SEMA6A: variants seen among roughly 807,000 people sequenced by gnomAD.
SEMA6A encodes semaphorin-6A.
A neutral mutation model predicts 96.8 loss-of-function variants in SEMA6A; 25 were observed. The observed-to-expected ratio is 0.26, with a 90% CI of 0.19 to 0.36. The LOEUF (loss-of-function observed/expected upper bound fraction) is 0.36, where lower values mean the gene tolerates loss of function less well. Among genes scored for constraint, SEMA6A ranks in the 10% least tolerant of loss-of-function variants. The probability of loss-of-function intolerance (pLI) is 1.00; values close to 1 mark genes in which losing one functional copy is unlikely to be tolerated. For synonymous variants in SEMA6A, 612 were observed against 518.0 expected, an observed-to-expected ratio of 1.18 and a Z score of -2.46; for missense variants, 1,363 against 1,323.1, an observed-to-expected ratio of 1.03 and a Z score of -0.47.
rs1760078004 is a variant in SEMA6A, at chr5:116,543,844, G to A, written c.-39+30341C>T. Among the ~76,000 whole-genome samples the A allele has an allele frequency of 2.6e-5, 4 of 152,184 alleles. No homozygotes were observed. The South Asian group carries it at 8.3e-4, about 31-fold the overall frequency. On this transcript the variant is annotated intron_variant, in intron 1 of 18. Transcript: ENST00000343348. ...ACCAAGTCTCCAATGTGGTTAAATTGATGCCAAAACTAGCACGTTTTACTT... is the reference window on the plus strand; with the variant it reads ...ACCAAGTCTCCAATGTGGTTAAATTAATGCCAAAACTAGCACGTTTTACTT...
intron 1 of SEMA6A, among the ~76,000 whole-genome samples, chr5:116,506,515 C>T (rs768355880): frequency 2.0e-5 from 3 of 152,160 alleles, no homozygotes; most frequent in Non-Finnish European, 4.4e-5. Context: ...GCCAGTTCTT[C>T]CTATCCTAGA....
chr5:116,513,575 C>A (rs1449280297), intron 1 of SEMA6A, among the ~76,000 whole-genome samples: 6 of 151,744 alleles, frequency 4.0e-5, no homozygotes, highest in Non-Finnish European at 8.8e-5. Flanking sequence ...TCATTACCTT[C>A]ATTCCCAAAC....
chr5:116,531,420 C>T (rs189316456), intron 1 of SEMA6A, among the ~76,000 whole-genome samples: 245 of 152,144 alleles, frequency 1.6e-3, no homozygotes, highest in African/African-American at 5.4e-3. Flanking sequence ...ATGTTTCACC[C>T]GGGCCCAATC....
chr5:116,515,852 TA>T (rs1758644464), intron 1 of SEMA6A, among the ~76,000 whole-genome samples: 1 of 152,162 alleles, frequency 6.6e-6, no homozygotes, highest in South Asian at 2.1e-4. Flanking sequence ...ACAGAATTAA[TA>T]ACAACCTGCA....
At chr5:116,449,194 C>CT (rs1754472205) in intron 18 of SEMA6A, 2 of 614,584 alleles carry the variant, frequency 3.3e-6, no homozygotes, top group African/African-American at 3.7e-5. Flanking sequence ...AATAAAATCT[C>CT]TAATACCTCA....
intron 1 of SEMA6A, among the ~76,000 whole-genome samples, chr5:116,573,949 G>C (rs1423916900): frequency 6.6e-6 from 1 of 151,284 alleles, no homozygotes; most frequent in Non-Finnish European, 1.5e-5. Flanking sequence ...AACGCGGGTG[G>C]GAAAGCTCTC....
intron 1 of SEMA6A, among the ~76,000 whole-genome samples, chr5:116,567,692 T>A (rs986878510): frequency 6.6e-6 from 1 of 152,192 alleles, no homozygotes; most frequent in African/African-American, 2.4e-5. Flanking sequence ...AAGCATGACC[T>A]CCGCAATGCC....
intron 1 of SEMA6A, among the ~76,000 whole-genome samples, chr5:116,544,340 G>A (rs1276203846): frequency 2.6e-5 from 4 of 152,138 alleles, no homozygotes; most frequent in African/African-American, 4.8e-5. Context: ...CTAGACTAGA[G>A]TGTAGTATAG....
intron 18 of SEMA6A, among the ~76,000 whole-genome samples, chr5:116,448,879 G>A (rs1348807840): frequency 6.6e-6 from 1 of 152,114 alleles, no homozygotes; most frequent in Non-Finnish European, 1.5e-5. Flanking sequence ...GGGCCCTGTA[G>A]TGGGTTTGAG....
intron 3 of SEMA6A, among the ~76,000 whole-genome samples, chr5:116,501,199 A>G (rs1039806878): frequency 1.3e-5 from 2 of 152,192 alleles, no homozygotes; most frequent in African/African-American, 4.8e-5. Flanking sequence ...GGACTTCATT[A>G]AGGTAATCAA....
chr5:116,552,807 A>C lies in SEMA6A; in HGVS notation c.-39+21378T>G, dbSNP rs193098502. On this transcript the variant is annotated intron_variant, in intron 1 of 18. Coordinates refer to ENST00000343348, the MANE Select transcript of SEMA6A (RefSeq NM_020796.5). ...ATAAGAGGTGCCAAAATGTTGCCAGATGGGACAAAAATGAATACGTTGTCA... is the reference window on the plus strand; with the variant it reads ...ATAAGAGGTGCCAAAATGTTGCCAGCTGGGACAAAAATGAATACGTTGTCA... Among the ~76,000 whole-genome samples the C allele has an allele frequency of 1.4e-4, 21 of 152,354 alleles. No homozygotes were observed. The East Asian group carries it at 4.0e-3, about 29-fold the overall frequency.
intron 18 of SEMA6A, among the ~76,000 whole-genome samples, chr5:116,453,090 A>G (rs1397241426): frequency 6.6e-6 from 1 of 152,242 alleles, no homozygotes; most frequent in African/African-American, 2.4e-5. Context: ...AGAGAGAGCA[A>G]CAAGAACTGA....
intron 9 of SEMA6A, 77 bp from the exon 10 acceptor site, chr5:116,487,043 G>A: frequency 1.6e-5 from 15 of 963,124 alleles, no homozygotes; most frequent in South Asian, 6.1e-5. Context: ...TGCATTCCTT[G>A]AAAACAGAAA....
intron 1 of SEMA6A, among the ~76,000 whole-genome samples, chr5:116,558,176 A>T (rs1439654960): frequency 2.6e-5 from 4 of 152,204 alleles, no homozygotes; most frequent in African/African-American, 9.7e-5. Flanking sequence ...TTTGTTACTC[A>T]GCTTCTTTTT....
intron 1 of SEMA6A, among the ~76,000 whole-genome samples, chr5:116,506,774 T>G (rs975406409): frequency 2.6e-5 from 4 of 152,218 alleles, no homozygotes; most frequent in African/African-American, 9.6e-5. Context: ...CTCAGAGAAT[T>G]TGCAGCATAT....
At chr5:116,524,775 C>CACAGACACACACACACACAG (rs1759133607) in intron 1 of SEMA6A, among the ~76,000 whole-genome samples, 1 of 145,588 alleles carries the variant, frequency 6.9e-6, no homozygotes, top group Non-Finnish European at 1.5e-5. Flanking sequence ...TATGTATACA[C>CACAGACACACACACACACAG]ACACACACAC....
chr5:116,535,323 T>C (rs1759660690), intron 1 of SEMA6A, among the ~76,000 whole-genome samples: 1 of 152,220 alleles, frequency 6.6e-6, no homozygotes, highest in African/African-American at 2.4e-5. Context: ...CTGCAAGTCC[T>C]GCACAACACA....
At chr5:116,509,585 A>AG (rs1758309842) in intron 1 of SEMA6A, among the ~76,000 whole-genome samples, 3 of 142,446 alleles carry the variant, frequency 2.1e-5, no homozygotes, top group Non-Finnish European at 4.5e-5. Context: ...TGCCCCAGTG[A>AG]AGAAGGGTGT....
At chr5:116,447,857 C>A in intron 18 of SEMA6A, 46 bp from the exon 19 acceptor site, 1 of 1,461,432 alleles carries the variant, frequency 6.8e-7, no homozygotes. Context: ...AAGCACACCC[C>A]GAGGCTTGTT....
Sources: allele counts gnomAD v4.1 joint callset (sites outside exome capture counted in the v4.1 genomes callset), GRCh38; gene constraint gnomAD v4.1.1; transcripts MANE v1.5; gene names NCBI Gene and HGNC (gene_info 2026-07-23, HGNC 2026-07-21).